GPATCH2: variants seen among roughly 807,000 people sequenced by gnomAD.
GPATCH2 encodes the protein G patch domain-containing protein 2.
GPATCH2 carries 51 observed loss-of-function variants against 58.0 expected under a neutral mutation model. The ratio of observed to expected loss-of-function variants is 0.88; its 90% CI spans 0.70 to 1.11. The LOEUF (loss-of-function observed/expected upper bound fraction) is 1.11, where lower values mean the gene tolerates loss of function less well. Among genes scored for constraint, GPATCH2 ranks in the 50% most tolerant of loss-of-function variants. The probability of loss-of-function intolerance (pLI) is 0.00; values close to 1 mark genes in which losing one functional copy is unlikely to be tolerated. For synonymous variants in GPATCH2, 222 were observed against 218.5 expected, an observed-to-expected ratio of 1.02 and a Z score of -0.14; for missense variants, 625 against 652.2, an observed-to-expected ratio of 0.96 and a Z score of 0.45.
chr1:217,557,800 T>C (rs1433255103), intron 5 of GPATCH2, among the ~76,000 whole-genome samples: 2 of 152,206 alleles, frequency 1.3e-5, no homozygotes, highest in African/African-American at 2.4e-5. Flanking sequence ...CCTGCACCGA[T>C]ACTATACTGC....
intron 5 of GPATCH2, among the ~76,000 whole-genome samples, chr1:217,523,539 A>G (rs1043511157): frequency 2.6e-5 from 4 of 151,692 alleles, no homozygotes; most frequent in Non-Finnish European, 4.4e-5. Context: ...TTTTCTTAGT[A>G]CAGAACAAAA....
At chr1:217,447,406 G>T (rs1332346809) in intron 9 of GPATCH2, among the ~76,000 whole-genome samples, 1 of 152,178 alleles carries the variant, frequency 6.6e-6, no homozygotes, top group Non-Finnish European at 1.5e-5. Context: ...TAGGTGTTAT[G>T]CAGACCTAGG....
intron 5 of GPATCH2, among the ~76,000 whole-genome samples, chr1:217,549,361 A>G (rs1049866680): frequency 6.6e-6 from 1 of 152,132 alleles, no homozygotes; most frequent in African/African-American, 2.4e-5. Flanking sequence ...TTATGTCAGG[A>G]TTGTCTGTTG....
chr1:217,526,981 C>A (rs1305233096), intron 5 of GPATCH2, among the ~76,000 whole-genome samples: 1 of 152,138 alleles, frequency 6.6e-6, no homozygotes, highest in Non-Finnish European at 1.5e-5. Flanking sequence ...CCCATCAGCC[C>A]CAGATGGGAC....
At chr1:217,546,928 G>A (rs112072779) in intron 5 of GPATCH2, among the ~76,000 whole-genome samples, 29 of 152,180 alleles carry the variant, frequency 1.9e-4, no homozygotes, top group African/African-American at 6.5e-4. Context: ...TAAGAAGTGG[G>A]TAAAGGACAT....
chr1:217,439,212 C>T (rs2102534060), intron 9 of GPATCH2, among the ~76,000 whole-genome samples: 1 of 152,310 alleles, frequency 6.6e-6, no homozygotes, highest in East Asian at 1.9e-4. Context: ...GATTAAGAAA[C>T]TCACTCAAAA....
chr1:217,488,402 T>G (rs1489010400), intron 8 of GPATCH2, among the ~76,000 whole-genome samples: 1 of 152,188 alleles, frequency 6.6e-6, no homozygotes, highest in Non-Finnish European at 1.5e-5. Context: ...TTATACATTT[T>G]GAGGTTATTT....
intron 8 of GPATCH2, among the ~76,000 whole-genome samples, chr1:217,451,798 C>T (rs12067356): frequency 0.13 from 19,901 of 152,104 alleles, 2,602 homozygotes; most frequent in African/African-American, 0.34. Flanking sequence ...TTCTGCAGTG[C>T]GGGTCTTCTG....
In GPATCH2 at chr1:217,513,541, G is replaced by A. The variant is rs535843280; in HGVS notation, c.1166+1281C>T. Among the ~76,000 whole-genome samples the A allele has an allele frequency of 2.0e-5, 3 of 152,190 alleles. No homozygotes were observed. In the South Asian group the frequency reaches 6.2e-4, roughly 32 times the overall value. On this transcript the variant is annotated intron_variant, in intron 6 of 9. Transcript: ENST00000366935. Reference sequence around the variant, plus strand: ...CCCATACTTTATGGCCTTTTTAAAAGTTCAATCAAATTTGCAGGAGATATA... The same window carrying A: ...CCCATACTTTATGGCCTTTTTAAAAATTCAATCAAATTTGCAGGAGATATA...
intron 5 of GPATCH2, among the ~76,000 whole-genome samples, chr1:217,522,278 T>A (rs1663504875): frequency 6.6e-6 from 1 of 152,162 alleles, no homozygotes; most frequent in African/African-American, 2.4e-5. Context: ...TAATAAAAGA[T>A]CTAAATGCTT....
At chr1:217,626,081 T>G (rs1056345784) in intron 1 of GPATCH2, among the ~76,000 whole-genome samples, 1 of 152,224 alleles carries the variant, frequency 6.6e-6, no homozygotes. Context: ...CACCTAGTAC[T>G]GGGTAAAACT....
At chr1:217,526,404 A>G (rs940341703) in intron 5 of GPATCH2, among the ~76,000 whole-genome samples, 1 of 152,236 alleles carries the variant, frequency 6.6e-6, no homozygotes, top group Non-Finnish European at 1.5e-5. Context: ...CTAAAAAAAA[A>G]GTATGTAATC....
At chr1:217,564,127 T>C (rs553721692) in intron 5 of GPATCH2, among the ~76,000 whole-genome samples, 4 of 147,060 alleles carry the variant, frequency 2.7e-5, no homozygotes, top group African/African-American at 1.0e-4. Flanking sequence ...CAGAAAGGAA[T>C]GTTGTGAATT....
At chr1:217,588,037 A>G (rs1667419458) in intron 5 of GPATCH2, among the ~76,000 whole-genome samples, 1 of 152,158 alleles carries the variant, frequency 6.6e-6, no homozygotes, top group Non-Finnish European at 1.5e-5. Context: ...CTTTCTAGAC[A>G]GGTGACTAGG....
chr1:217,441,418 A>C (rs1659134262), intron 9 of GPATCH2, among the ~76,000 whole-genome samples: 1 of 152,200 alleles, frequency 6.6e-6, no homozygotes. Flanking sequence ...CCTAGGCAAT[A>C]CCATTCAGGA....
At chr1:217,587,617 G>T (rs1667401288) in intron 5 of GPATCH2, among the ~76,000 whole-genome samples, 1 of 152,076 alleles carries the variant, frequency 6.6e-6, no homozygotes, top group African/African-American at 2.4e-5. Flanking sequence ...GTGAAATTGT[G>T]GGGGTGCTAA....
chr1:217,612,000 C>T (rs1010973169), intron 3 of GPATCH2, among the ~76,000 whole-genome samples: 1 of 151,702 alleles, frequency 6.6e-6, no homozygotes, highest in Admixed American at 6.6e-5. Flanking sequence ...GGCAAGAAAG[C>T]GAGACCCTGT....
chr1:217,434,316 C>T (rs749466053), intron 9 of GPATCH2, among the ~76,000 whole-genome samples: 26 of 152,222 alleles, frequency 1.7e-4, no homozygotes, highest in East Asian at 3.9e-4. Context: ...GTCATACACA[C>T]GCAAGCACGC....
chr1:217,503,764 GCAGT>G (rs1662416462), intron 6 of GPATCH2, among the ~76,000 whole-genome samples: 2 of 152,002 alleles, frequency 1.3e-5, no homozygotes, highest in South Asian at 4.2e-4. Context: ...TTCTCAAGTA[GCAGT>G]CAGATGAAGA....
Sources: gnomAD v4.1 joint callset for allele counts (sites outside exome capture counted in the v4.1 genomes callset) on GRCh38, gnomAD v4.1.1 for gene constraint, MANE v1.5 for transcripts, NCBI Gene and HGNC (gene_info 2026-07-23, HGNC 2026-07-21) for gene names.